Variants in ARMC7 observed in about 807,000 individuals in gnomAD.
ARMC7 encodes the protein armadillo repeat-containing protein 7.
ARMC7 carries 9 observed loss-of-function variants against 14.8 expected under a neutral mutation model. The ratio of observed to expected loss-of-function variants is 0.61; its 90% CI spans 0.37 to 1.06. ARMC7 has a LOEUF of 1.06. ARMC7 is among the 50% of genes least tolerant of loss of function. The pLI, the probability that ARMC7 is intolerant of heterozygous loss-of-function variation, is 0.01. For synonymous variants in ARMC7, 125 were observed against 123.4 expected (o/e 1.01, Z -0.09); for missense variants, 262 against 267.1 (o/e 0.98, Z 0.13).
chr17:75,121,707 C>T (rs1057185957), intron 2 of ARMC7, among the ~76,000 whole-genome samples: 2 of 152,174 alleles, frequency 1.3e-5, no homozygotes, highest in Admixed American at 6.5e-5. Flanking sequence ...AGCCACTGCA[C>T]GCAGCAGCAG....
At chr17:75,115,254 C>G (rs2073965284) in intron 2 of ARMC7, among the ~76,000 whole-genome samples, 1 of 152,124 alleles carries the variant, frequency 6.6e-6, no homozygotes, top group African/African-American at 2.4e-5. Flanking sequence ...CTCGCAGAAC[C>G]AAAACCAAGC....
At chr17:75,123,815 G>GC (rs1026363491) in intron 2 of ARMC7, among the ~76,000 whole-genome samples, 1 of 151,990 alleles carries the variant, frequency 6.6e-6, no homozygotes, top group African/African-American at 2.4e-5. Context: ...GGAGGCTGAG[G>GC]CAGGAGAATT....
chr17:75,119,096 ACCCAG>A (rs1016652220), intron 2 of ARMC7, among the ~76,000 whole-genome samples: 2 of 152,096 alleles, frequency 1.3e-5, no homozygotes, highest in African/African-American at 4.8e-5. Flanking sequence ...GAGCCACTGC[ACCCAG>A]CCCCAGTGGC....
intron 2 of ARMC7, among the ~76,000 whole-genome samples, chr17:75,126,631 G>C (rs1454081950): frequency 6.6e-6 from 1 of 151,516 alleles, no homozygotes; most frequent in East Asian, 1.9e-4. Context: ...GCTCAGGCTG[G>C]AGTGCAATGG....
In ARMC7 at chr17:75,113,440, C is replaced by T. The variant is rs545622222; in HGVS notation, c.235+2834C>T. Among the ~76,000 whole-genome samples, 10 of 151,270 alleles carry T rather than the reference C, an allele frequency of 6.6e-5. No homozygotes were observed. In the East Asian group the frequency reaches 1.6e-3, roughly 24 times the overall value. The stretch of plus-strand genomic sequence containing the variant: ...CGCGATCTCGGCTCACTGCAAGCTC[C>T]GCCTCCCGGGTTCACGCCATTCTCC... On this transcript the variant is annotated intron_variant, in intron 2 of 2. Coordinates refer to ENST00000245543, the MANE Select transcript of ARMC7 (RefSeq NM_024585.4).
chr17:75,112,632 G>C (rs2073934847), intron 2 of ARMC7, among the ~76,000 whole-genome samples: 1 of 139,392 alleles, frequency 7.2e-6, no homozygotes, highest in South Asian at 2.2e-4. Context: ...CTGGAGTGCA[G>C]TGGTGTGATC....
intron 2 of ARMC7, among the ~76,000 whole-genome samples, chr17:75,127,977 T>G (rs1452434469): frequency 6.6e-6 from 1 of 152,236 alleles, no homozygotes; most frequent in Non-Finnish European, 1.5e-5. Flanking sequence ...TTGATAAATT[T>G]TGGCATAAGT....
intron 2 of ARMC7, among the ~76,000 whole-genome samples, chr17:75,111,501 T>G (rs960413938): frequency 6.6e-6 from 1 of 151,318 alleles, no homozygotes; most frequent in Non-Finnish European, 1.5e-5. Flanking sequence ...CTCAGCACTT[T>G]GTGAGGCCGA....
intron 2 of ARMC7, among the ~76,000 whole-genome samples, chr17:75,121,614 A>G (rs2074014294): frequency 6.6e-6 from 1 of 152,114 alleles, no homozygotes; most frequent in Non-Finnish European, 1.5e-5. Flanking sequence ...GGTTTTCGCC[A>G]TGTTGGCCAG....
chr17:75,129,271 T>C lies in ARMC7; in HGVS notation c.*233T>C. Reference sequence around the variant, plus strand: ...TGGAGCTGCGTTCATAGGCTGGCACTCTCAATCCTACATCAGGTGCCACCA... The same window carrying C: ...TGGAGCTGCGTTCATAGGCTGGCACCCTCAATCCTACATCAGGTGCCACCA... On this transcript the variant is annotated 3_prime_UTR_variant, in exon 3 of 3. Coordinates refer to ENST00000245543, the MANE Select transcript of ARMC7 (RefSeq NM_024585.4). The C allele has an allele frequency of 1.6e-6, 1 of 609,400 alleles. No homozygotes were observed. 37.7% of individuals were successfully genotyped at this position (609,400 alleles called of 1,614,324 possible).
At chr17:75,114,786 C>G in intron 2 of ARMC7, 1 of 398,430 alleles carries the variant, frequency 2.5e-6, no homozygotes, top group Non-Finnish European at 4.4e-6. Flanking sequence ...CTCCGTGGGA[C>G]CATGTTGCAA....
At chr17:75,115,659 G>A (rs1051584626) in intron 2 of ARMC7, among the ~76,000 whole-genome samples, 2 of 152,088 alleles carry the variant, frequency 1.3e-5, no homozygotes, top group Non-Finnish European at 2.9e-5. Context: ...AGGAGGTCAA[G>A]AGCAGCCTGG....
At chr17:75,128,628 G>A in intron 2 of ARMC7, 49 bp from the exon 3 acceptor site, 1 of 1,564,188 alleles carries the variant, frequency 6.4e-7, no homozygotes, top group South Asian at 1.2e-5. Flanking sequence ...GGGGAGGTGG[G>A]AGGAGGCCCG....
In ARMC7 at chr17:75,127,091, C is replaced by G. The variant is rs116236149; in HGVS notation, c.236-1586C>G. ...AAAAAAAAAAAAAGCTGGCGTAAGC[C>G]ATGCACAGTGGTGCATGCCTGGAGT... On this transcript the variant is annotated intron_variant, in intron 2 of 2. Coordinates refer to ENST00000245543, the MANE Select transcript of ARMC7 (RefSeq NM_024585.4). 6.4e-3 allele frequency among the ~76,000 whole-genome samples: 952 copies of G among 148,086 alleles called. 12 individuals are homozygous for G. The highest frequency in any genetic ancestry group is 0.023 in the African/African-American group (915 of 40,420).
chr17:75,116,621 G>A (rs546873957), intron 2 of ARMC7, among the ~76,000 whole-genome samples: 8 of 152,242 alleles, frequency 5.3e-5, no homozygotes, highest in African/African-American at 1.4e-4. Context: ...GTGAAACTCC[G>A]TCTCAAAATA....
intron 2 of ARMC7, among the ~76,000 whole-genome samples, chr17:75,112,505 C>A (rs2073932316): frequency 6.6e-6 from 1 of 151,718 alleles, no homozygotes; most frequent in African/African-American, 2.4e-5. Context: ...CCCCTCTTTA[C>A]GTATGATACC....
chr17:75,112,172 A>G (rs1337503049), intron 2 of ARMC7, among the ~76,000 whole-genome samples: 1 of 152,206 alleles, frequency 6.6e-6, no homozygotes, highest in East Asian at 1.9e-4. Flanking sequence ...CGTTGCAGTG[A>G]AGTGGAGAAT....
At chr17:75,121,969 C>T (rs559357609) in intron 2 of ARMC7, among the ~76,000 whole-genome samples, 1 of 152,202 alleles carries the variant, frequency 6.6e-6, no homozygotes, top group Non-Finnish European at 1.5e-5. Flanking sequence ...TCTCCTTTTG[C>T]CTTTTTACTG....
intron 2 of ARMC7, among the ~76,000 whole-genome samples, chr17:75,115,139 T>C (rs547646001): frequency 2.6e-5 from 4 of 152,166 alleles, no homozygotes; most frequent in Non-Finnish European, 4.4e-5. Flanking sequence ...CTTCACTTAA[T>C]AGGTGTGGAG....
Sources: allele counts gnomAD v4.1 joint callset (sites outside exome capture counted in the v4.1 genomes callset), GRCh38; gene constraint gnomAD v4.1.1; transcripts MANE v1.5; gene names NCBI Gene and HGNC (gene_info 2026-07-23, HGNC 2026-07-21).